The following KIAA1217 variants were observed in gnomAD, a reference collection of about 807,000 sequenced individuals.
The protein encoded by KIAA1217 is KIAA1217, also known as sickle tail protein homolog.
KIAA1217 carries 88 observed loss-of-function variants against 163.9 expected under a neutral mutation model. The observed-to-expected ratio is 0.54, with a 90% CI of 0.45 to 0.64. The LOEUF is 0.64. KIAA1217 is among the 30% of genes least tolerant of loss of function. KIAA1217 has a pLI of 0.00. For missense variants in KIAA1217, 2,372 were observed against 2,475.0 expected (o/e 0.96, Z 0.88); for synonymous variants, 903 against 923.1 (o/e 0.98, Z 0.39).
chr10:24,542,376 C>T (rs1173043144), intron 17 of KIAA1217: 1 of 439,166 alleles, frequency 2.3e-6, no homozygotes, highest in African/African-American at 2.0e-5. Flanking sequence ...CTGCTAAGCT[C>T]ACAATCTGAT....
At chr10:24,238,904 G>T (rs2072666363) in intron 2 of KIAA1217, among the ~76,000 whole-genome samples, 1 of 152,154 alleles carries the variant, frequency 6.6e-6, no homozygotes, top group Non-Finnish European at 1.5e-5. Context: ...TGAAAATGAA[G>T]CCATCGTTCC....
At chr10:24,226,112 T>C (rs965955988) in intron 2 of KIAA1217, among the ~76,000 whole-genome samples, 1 of 152,110 alleles carries the variant, frequency 6.6e-6, no homozygotes, top group Non-Finnish European at 1.5e-5. Context: ...AAGTCAACAT[T>C]TGAACCAGGG....
At chr10:23,697,906 A>G (rs767127853) in intron 1 of KIAA1217, among the ~76,000 whole-genome samples, 4 of 151,986 alleles carry the variant, frequency 2.6e-5, no homozygotes, top group Middle Eastern at 3.2e-3. Context: ...CAACAAAACT[A>G]CTTACTTTTG....
intron 1 of KIAA1217, among the ~76,000 whole-genome samples, chr10:23,742,948 C>A (rs1396556983): frequency 6.6e-6 from 1 of 152,120 alleles, no homozygotes; most frequent in Non-Finnish European, 1.5e-5. Flanking sequence ...AGTCCCTTTG[C>A]TGTGCCAACT....
At chr10:24,333,103 C>T (rs901961460) in intron 2 of KIAA1217, among the ~76,000 whole-genome samples, 4 of 151,444 alleles carry the variant, frequency 2.6e-5, no homozygotes, top group African/African-American at 9.7e-5. Flanking sequence ...CTCACTGCAA[C>T]CTCTGCCTCC....
intron 2 of KIAA1217, among the ~76,000 whole-genome samples, chr10:24,016,667 A>G (rs1847492430): frequency 6.6e-6 from 1 of 152,110 alleles, no homozygotes; most frequent in Admixed American, 6.6e-5. Context: ...CTGGAGTCAG[A>G]CTGCAAGGGT....
chr10:23,966,501 T>C (rs1321717517), intron 1 of KIAA1217, among the ~76,000 whole-genome samples: 1 of 152,176 alleles, frequency 6.6e-6, no homozygotes, highest in Non-Finnish European at 1.5e-5. Flanking sequence ...TCAGACTACC[T>C]GCTGTCTACC....
intron 2 of KIAA1217, among the ~76,000 whole-genome samples, chr10:24,316,020 G>A (rs1408345494): frequency 2.0e-5 from 3 of 151,840 alleles, no homozygotes; most frequent in Admixed American, 6.6e-5. Context: ...TGCTGTCTTC[G>A]AACACTTTAG....
intron 1 of KIAA1217, among the ~76,000 whole-genome samples, chr10:23,829,013 C>T (rs559057007): frequency 1.3e-5 from 2 of 152,326 alleles, no homozygotes; most frequent in South Asian, 4.1e-4. Context: ...TTACTTCTGT[C>T]CTATGACATA....
chr10:23,759,333 A>G (rs953777430), intron 1 of KIAA1217, among the ~76,000 whole-genome samples: 3 of 152,174 alleles, frequency 2.0e-5, no homozygotes, highest in Non-Finnish European at 4.4e-5. Flanking sequence ...TTTTTTACAT[A>G]TAAGAACATG....
chr10:23,801,392 G>A (rs1035114368), intron 1 of KIAA1217, among the ~76,000 whole-genome samples: 1 of 152,242 alleles, frequency 6.6e-6, no homozygotes, highest in Middle Eastern at 3.4e-3. Flanking sequence ...GGGATGATGG[G>A]TGCAGAAAAC....
rs1406550885 is a variant in KIAA1217 at position 23,961,473 on chromosome 10, A to G, written c.-320-45752A>G. Among the ~76,000 whole-genome samples the G allele has an allele frequency of 3.3e-5, 5 of 152,302 alleles. No individual in the cohort carries two copies. The East Asian group carries it at 9.6e-4, about 29-fold the overall frequency. On this transcript the variant is annotated intron_variant, in intron 1 of 18. Transcript: ENST00000376462. The stretch of plus-strand genomic sequence containing the variant: ...TAATGGCAGCCTCTATAACTGTAGA[A>G]AAATTATTTTGCAAGCCCTGCATTC...
intron 1 of KIAA1217, among the ~76,000 whole-genome samples, chr10:23,920,072 C>A (rs1842798723): frequency 6.6e-6 from 1 of 152,180 alleles, no homozygotes; most frequent in African/African-American, 2.4e-5. Context: ...AAGTCATTGA[C>A]CCTTTGCTCC....
At chr10:24,008,930 T>C (rs2131484095) in intron 2 of KIAA1217, among the ~76,000 whole-genome samples, 1 of 152,314 alleles carries the variant, frequency 6.6e-6, no homozygotes, top group South Asian at 2.1e-4. Flanking sequence ...CCTCTCTCTT[T>C]GTGTGGTTTG....
intron 1 of KIAA1217, among the ~76,000 whole-genome samples, chr10:23,726,059 T>C (rs1483628535): frequency 6.6e-6 from 1 of 152,204 alleles, no homozygotes; most frequent in Non-Finnish European, 1.5e-5. Context: ...TAGTGTTTTA[T>C]GGTGTTTGCA....
chr10:24,249,418 T>A (rs903047687), intron 2 of KIAA1217, among the ~76,000 whole-genome samples: 1 of 152,196 alleles, frequency 6.6e-6, no homozygotes, highest in Non-Finnish European at 1.5e-5. Context: ...TTAAAGAGAA[T>A]ACAAGTGCTG....
chr10:24,489,401 C>T (rs1789342180), intron 6 of KIAA1217, among the ~76,000 whole-genome samples: 1 of 152,144 alleles, frequency 6.6e-6, no homozygotes, highest in Admixed American at 6.5e-5. Flanking sequence ...AGAACAAATC[C>T]TTTGGGATTC....
intron 2 of KIAA1217, among the ~76,000 whole-genome samples, chr10:24,160,104 T>C (rs902086365): frequency 2.6e-5 from 4 of 152,230 alleles, no homozygotes; most frequent in African/African-American, 4.8e-5. Context: ...CCATGCTGTC[T>C]GGATTACGAT....
chr10:24,521,918 C>T lies in KIAA1217; in HGVS notation c.2445C>T (p.Thr815=). ...KRVRSMTDVL[T]MLRRHVTDGL... ...TGCGCAGCATGACAGACGTCCTGACCATGCTGCGGAGGTGACCGGGCCCTC... is the reference window on the plus strand; with the variant it reads ...TGCGCAGCATGACAGACGTCCTGACTATGCTGCGGAGGTGACCGGGCCCTC... Residue 815 remains threonine, a synonymous_variant, in exon 12 of 21, where the codon ACC becomes ACT. Transcript: ENST00000376454. 1 of 1,610,256 alleles carries T rather than the reference C, an allele frequency of 6.2e-7. No individual in the cohort carries two copies. The highest frequency in any genetic ancestry group is 8.5e-7 in the Non-Finnish European group (1 of 1,178,406).
Sources: gnomAD v4.1 joint callset for allele counts (sites outside exome capture counted in the v4.1 genomes callset) on GRCh38, gnomAD v4.1.1 for gene constraint, MANE v1.5 for transcripts, NCBI Gene and HGNC (gene_info 2026-07-23, HGNC 2026-07-21) for gene names.